Variants in LRCH2 observed in about 807,000 individuals in gnomAD.
LRCH2 encodes leucine-rich repeat and calponin homology domain-containing protein 2.
In LRCH2, 38 loss-of-function variants were observed where a neutral mutation model predicts 68.9. The observed-to-expected ratio is 0.55, with a 90% CI of 0.43 to 0.72. The LOEUF is 0.72. LRCH2 is among the 30% of genes least tolerant of loss of function. LRCH2 has a pLI of 0.00. For synonymous variants in LRCH2, 191 were observed against 208.1 expected, an observed-to-expected ratio of 0.92 and a Z score of 0.71; for missense variants, 528 against 572.9, an observed-to-expected ratio of 0.92 and a Z score of 0.80.
At chrX:115,121,325 A>G (rs2072140717) in intron 20 of LRCH2, among the ~76,000 whole-genome samples, 1 of 111,413 alleles carries the variant, frequency 9.0e-6, no homozygotes, top group Admixed American at 9.5e-5. Context: ...TAGAAAAAAG[A>G]AACAACAAAC....
intron 12 of LRCH2, among the ~76,000 whole-genome samples, chrX:115,154,911 A>G (rs927254037): frequency 9.2e-6 from 1 of 108,714 alleles, no homozygotes; most frequent in Non-Finnish European, 1.9e-5. Context: ...CTGTAATCCC[A>G]GCATTTTGGG....
At chrX:115,142,134 T>A (rs1188594160) in intron 14 of LRCH2, among the ~76,000 whole-genome samples, 1 of 111,650 alleles carries the variant, frequency 9.0e-6, no homozygotes. Context: ...TAAGTATATA[T>A]GCACCCAATA....
At chrX:115,178,014 G>A (rs1269716305) in intron 5 of LRCH2, among the ~76,000 whole-genome samples, 1 of 112,391 alleles carries the variant, frequency 8.9e-6, no homozygotes, top group Non-Finnish European at 1.9e-5. Flanking sequence ...TATGGCTACC[G>A]TATTGGACAA....
Position 115,233,827 on chromosome X carries a change from T to C in LRCH2, c.215A>G (p.Gln72Arg). 1 of 1,168,643 alleles carries C rather than the reference T, an allele frequency of 8.6e-7. No homozygotes were observed. Among genetic ancestry groups the C allele is most frequent in the Non-Finnish European group, 1.1e-6 (1 of 873,601 alleles). The change falls in exon 1 of 21, where the codon CAG (glutamine) becomes CGG (arginine). Residue 72 changes from glutamine (Q) to arginine (R), a missense_variant. Coordinates refer to ENST00000317135, the MANE Select transcript of LRCH2 (RefSeq NM_020871.4). ...CAGGCTCCTCACGGTGTGCTGAGGC[T>C]GCAGGCTCCCCGGGTTCCACGGCGG... ...NGPPWNPGSL[Q>R]PQHTVRSLDR...
At chrX:115,197,853 A>T (rs374808955) in intron 1 of LRCH2, among the ~76,000 whole-genome samples, 452 of 25,707 alleles carry the variant, frequency 0.018, 1 homozygote, top group African/African-American at 0.042. Flanking sequence ...TCTCTCACAC[A>T]CACACACACA....
intron 3 of LRCH2, among the ~76,000 whole-genome samples, chrX:115,183,994 G>A (rs1569515257): frequency 8.9e-6 from 1 of 112,046 alleles, no homozygotes; most frequent in Non-Finnish European, 1.9e-5. Flanking sequence ...AAACAGTGAG[G>A]AAGAGTTATG....
chrX:115,120,186 A>G (rs1556525383), intron 20 of LRCH2, among the ~76,000 whole-genome samples: 1 of 98,590 alleles, frequency 1.0e-5, no homozygotes, highest in Non-Finnish European at 2.0e-5. Flanking sequence ...TAATTCAACT[A>G]AAGAGCTTCT....
At chrX:115,216,023 T>A (rs1603099446) in intron 1 of LRCH2, among the ~76,000 whole-genome samples, 1 of 111,243 alleles carries the variant, frequency 9.0e-6, no homozygotes, top group South Asian at 3.7e-4. Flanking sequence ...ATGTAAAAAA[T>A]ATGCATATTT....
At chrX:115,178,211 G>T (rs1215697368) in intron 5 of LRCH2, among the ~76,000 whole-genome samples, 3 of 111,821 alleles carry the variant, frequency 2.7e-5, no homozygotes, top group African/African-American at 6.5e-5. Context: ...TGCAAGTAAG[G>T]AATGGTCTGT....
chrX:115,132,436 T>A (rs1556530560), intron 14 of LRCH2, among the ~76,000 whole-genome samples: 2 of 111,450 alleles, frequency 1.8e-5, no homozygotes, highest in African/African-American at 6.5e-5. Flanking sequence ...GTTCCATTGG[T>A]CTATTTAATG....
intron 20 of LRCH2, among the ~76,000 whole-genome samples, chrX:115,121,469 T>C (rs1398762927): frequency 2.7e-5 from 3 of 110,821 alleles, no homozygotes; most frequent in African/African-American, 6.5e-5. Context: ...CTGGCCAACA[T>C]GGTGAAACTC....
At chrX:115,156,207 A>T (rs1556539665) in intron 12 of LRCH2, among the ~76,000 whole-genome samples, 1 of 111,868 alleles carries the variant, frequency 8.9e-6, no homozygotes, top group African/African-American at 3.2e-5. Context: ...ATATATGTGG[A>T]TTTATATCAT....
intron 1 of LRCH2, among the ~76,000 whole-genome samples, chrX:115,200,140 C>T (rs2072919965): frequency 9.0e-6 from 1 of 111,026 alleles, no homozygotes; most frequent in African/African-American, 3.3e-5. Flanking sequence ...ATAGCAAAAG[C>T]AGTGGTAAGA....
At chrX:115,149,995 T>C (rs1556537871) in intron 13 of LRCH2, 27 bp downstream of exon 13, 8 of 1,154,247 alleles carry the variant, frequency 6.9e-6, no homozygotes, top group African/African-American at 1.8e-5. Context: ...AAATGATAGA[T>C]ATAATTGTAA....
At chrX:115,137,707 T>C (rs191957928) in intron 14 of LRCH2, among the ~76,000 whole-genome samples, 3 of 111,590 alleles carry the variant, frequency 2.7e-5, no homozygotes, top group African/African-American at 9.8e-5. Context: ...ACTGGAGAAC[T>C]AGAAATAGAA....
At chrX:115,223,046 C>T (rs1367247440) in intron 1 of LRCH2, among the ~76,000 whole-genome samples, 2 of 111,615 alleles carry the variant, frequency 1.8e-5, no homozygotes, top group Non-Finnish European at 3.8e-5. Context: ...TTATGGTCAA[C>T]TGATTTTAAA....
At position 115,111,509 on chromosome X, in the gene LRCH2, T is replaced by C. The variant is rs183114091; in HGVS notation, c.*1707A>G. 16 of 111,075 alleles carry C rather than the reference T, an allele frequency of 1.4e-4. No individual in the cohort carries two copies. Among genetic ancestry groups the C allele is most frequent in the African/African-American group, 5.2e-4 (16 of 30,712 alleles). The allele number at this position is 111,075 out of a possible 1,213,427, so 9.2% of individuals were successfully genotyped here. On this transcript the variant is annotated 3_prime_UTR_variant, in exon 21 of 21. Transcript: ENST00000317135. Reference sequence around the variant, plus strand: ...AGGTATTTATTTGCCATTTCTTACATATATTACCCAAGTTTTCACTAGGGA... The same window carrying C: ...AGGTATTTATTTGCCATTTCTTACACATATTACCCAAGTTTTCACTAGGGA...
At chrX:115,146,906 T>TAC (rs57837250) in intron 14 of LRCH2, among the ~76,000 whole-genome samples, 1,536 of 67,313 alleles carry the variant, frequency 0.023, 14 homozygotes, top group Middle Eastern at 0.027. Flanking sequence ...CTTACATACA[T>TAC]ACACACACAC....
At chrX:115,214,202 C>G (rs986872701) in intron 1 of LRCH2, among the ~76,000 whole-genome samples, 11 of 112,010 alleles carry the variant, frequency 9.8e-5, no homozygotes, top group African/African-American at 3.6e-4. Flanking sequence ...CAAATGTTAG[C>G]AATTCCTCAT....
Sources: allele counts gnomAD v4.1 joint callset (sites outside exome capture counted in the v4.1 genomes callset), GRCh38; gene constraint gnomAD v4.1.1; transcripts MANE v1.5; gene names NCBI Gene and HGNC (gene_info 2026-07-23, HGNC 2026-07-21).